MAPK10: variants seen among roughly 807,000 people sequenced by gnomAD.
MAPK10 encodes JNK3 alpha protein kinase.
A neutral mutation model predicts 59.3 loss-of-function variants in MAPK10; 25 were observed. The observed-to-expected ratio is 0.42, with a 90% CI of 0.31 to 0.59. MAPK10 has a LOEUF of 0.59. MAPK10 is among the 20% of genes least tolerant of loss of function. The probability of loss-of-function intolerance (pLI) is 0.15; values close to 1 mark genes in which losing one functional copy is unlikely to be tolerated. For synonymous variants in MAPK10, 190 were observed against 200.5 expected, an observed-to-expected ratio of 0.95 and a Z score of 0.44; for missense variants, 351 against 568.9, an observed-to-expected ratio of 0.62 and a Z score of 3.90.
intron 3 of MAPK10, among the ~76,000 whole-genome samples, chr4:86,185,604 C>T (rs761474450): frequency 2.0e-5 from 3 of 152,012 alleles, no homozygotes; most frequent in Non-Finnish European, 4.4e-5. Flanking sequence ...TAAGAGTAAA[C>T]CACTTGGGGG....
intron 2 of MAPK10, among the ~76,000 whole-genome samples, chr4:86,256,734 CTTTTTTTTTTTT>C (rs767737802): frequency 6.7e-5 from 4 of 59,638 alleles, no homozygotes; most frequent in East Asian, 7.2e-4. Context: ...TTCTTTCTTT[CTTTTTTTTTTTT>C]TTTTTTTTTT....
At chr4:86,261,053 A>T (rs2093962474) in intron 2 of MAPK10, among the ~76,000 whole-genome samples, 1 of 152,166 alleles carries the variant, frequency 6.6e-6, no homozygotes, top group African/African-American at 2.4e-5. Context: ...GAGATGTTTG[A>T]CACATATTTC....
chr4:86,509,769 T>C (rs565647368), intron 1 of MAPK10, among the ~76,000 whole-genome samples: 6 of 152,364 alleles, frequency 3.9e-5, no homozygotes, highest in Middle Eastern at 3.4e-3. Context: ...ATAACACTTA[T>C]CCACCTGAAC....
intron 2 of MAPK10, among the ~76,000 whole-genome samples, chr4:86,261,595 T>C (rs1434786347): frequency 6.6e-6 from 1 of 152,180 alleles, no homozygotes; most frequent in African/African-American, 2.4e-5. Flanking sequence ...ATAGGCAGGA[T>C]TGCTTGGGGT....
chr4:86,433,973 C>T (rs1048670544), intron 1 of MAPK10, among the ~76,000 whole-genome samples: 10 of 152,082 alleles, frequency 6.6e-5, no homozygotes, highest in Non-Finnish European at 1.0e-4. Flanking sequence ...TCCATTGAAA[C>T]TTTATTTCCA....
At chr4:86,396,366 G>A (rs1742950380) in intron 1 of MAPK10, among the ~76,000 whole-genome samples, 1 of 152,086 alleles carries the variant, frequency 6.6e-6, no homozygotes, top group Non-Finnish European at 1.5e-5. Context: ...AAAGAAAGTA[G>A]CGTTTCCAAC....
At chr4:86,315,664 T>C (rs1191030868) in intron 2 of MAPK10, among the ~76,000 whole-genome samples, 1 of 152,168 alleles carries the variant, frequency 6.6e-6, no homozygotes, top group Non-Finnish European at 1.5e-5. Flanking sequence ...GCATCAAGAA[T>C]ATAGTACCAT....
chr4:86,248,416 A>T lies in MAPK10; in HGVS notation c.-6-54009T>A, dbSNP rs187088941. ...AGATAACTCAGTAATTAGTTTTTTT[A>T]AAATCTCAATTCATCATTCAACATT... On this transcript the variant is annotated intron_variant, in intron 2 of 13. Transcript: ENST00000641462. Among the ~76,000 whole-genome samples the T allele has an allele frequency of 4.8e-3, 734 of 152,332 alleles. 2 individuals carry two copies. The highest frequency in any genetic ancestry group is 5.3e-3 in the Non-Finnish European group (359 of 68,028).
intron 4 of MAPK10, among the ~76,000 whole-genome samples, chr4:86,114,559 T>G (rs953405478): frequency 6.6e-6 from 1 of 152,180 alleles, no homozygotes; most frequent in African/African-American, 2.4e-5. Flanking sequence ...CTCCTTCCTC[T>G]GGAAGCTCCA....
chr4:86,239,164 T>C (rs1485559903), intron 2 of MAPK10, among the ~76,000 whole-genome samples: 1 of 152,232 alleles, frequency 6.6e-6, no homozygotes, highest in Non-Finnish European at 1.5e-5. Context: ...GATTTGCCTA[T>C]GTTGAACCAG....
chr4:86,465,867 C>G (rs1752156154), intron 1 of MAPK10, among the ~76,000 whole-genome samples: 1 of 152,168 alleles, frequency 6.6e-6, no homozygotes, highest in African/African-American at 2.4e-5. Flanking sequence ...AGCCACCTAC[C>G]TGGGGACAGA....
At chr4:86,264,836 G>A (rs957826201) in intron 2 of MAPK10, among the ~76,000 whole-genome samples, 1 of 138,050 alleles carries the variant, frequency 7.2e-6, no homozygotes. Flanking sequence ...TCATTAATAT[G>A]TTTCTTTCTG....
chr4:86,067,405 C>T (rs1434165456), intron 10 of MAPK10, among the ~76,000 whole-genome samples: 1 of 152,090 alleles, frequency 6.6e-6, no homozygotes, highest in Non-Finnish European at 1.5e-5. Context: ...CTCCGCCTTC[C>T]AAAGTGCTGA....
At chr4:86,322,237 GAA>G (rs1431519149) in intron 2 of MAPK10, among the ~76,000 whole-genome samples, 1 of 152,158 alleles carries the variant, frequency 6.6e-6, no homozygotes, top group East Asian at 1.9e-4. Flanking sequence ...AAAAACAGCA[GAA>G]AAATTTGCAT....
Position 86,031,361 on chromosome 4 carries a change from G to C in MAPK10, c.1174+7C>G. The C allele has an allele frequency of 6.3e-7, 1 of 1,590,974 alleles. No homozygotes were observed. On this transcript the variant is annotated splice_region_variant and intron_variant, in intron 12 of 13. Transcript: ENST00000641462. ...AAAAAGTATACTTTTTTAAGTAGTA[G>C]ACTTACCTTTCCATTCTTCAATTGT...
chr4:86,492,783 T>C (rs1423851498), intron 1 of MAPK10, among the ~76,000 whole-genome samples: 1 of 152,206 alleles, frequency 6.6e-6, no homozygotes, highest in African/African-American at 2.4e-5. Flanking sequence ...TGTAGGACTG[T>C]ATGTTTTGCT....
chr4:86,474,608 TTCA>T (rs1170396702), intron 1 of MAPK10, among the ~76,000 whole-genome samples: 1 of 152,232 alleles, frequency 6.6e-6, no homozygotes, highest in African/African-American at 2.4e-5. Context: ...AATTTTTTTC[TTCA>T]TCATCATACT....
intron 1 of MAPK10, among the ~76,000 whole-genome samples, chr4:86,384,570 G>A (rs1025835026): frequency 6.6e-5 from 10 of 152,176 alleles, no homozygotes; most frequent in African/African-American, 2.4e-4. Context: ...TAGAGTCTAG[G>A]TGGAAACAGT....
chr4:86,114,673 G>C (rs2058042940), intron 4 of MAPK10, among the ~76,000 whole-genome samples: 1 of 152,224 alleles, frequency 6.6e-6, no homozygotes, highest in Non-Finnish European at 1.5e-5. Flanking sequence ...CAGGATCAGG[G>C]AACTGTTTAA....
Sources: gnomAD v4.1 joint callset for allele counts (sites outside exome capture counted in the v4.1 genomes callset) on GRCh38, gnomAD v4.1.1 for gene constraint, MANE v1.5 for transcripts, NCBI Gene and HGNC (gene_info 2026-07-23, HGNC 2026-07-21) for gene names.